The following FRMPD4 variants were observed in gnomAD, a reference collection of about 807,000 sequenced individuals.
FRMPD4 encodes FERM and PDZ domain containing 4.
FRMPD4 carries 22 observed loss-of-function variants against 94.1 expected under a neutral mutation model. The observed-to-expected ratio is 0.23, with a 90% confidence interval of 0.17 to 0.33. The LOEUF is 0.33. FRMPD4 is among the 10% of genes least tolerant of loss of function. The probability of loss-of-function intolerance (pLI) is 1.00; values close to 1 mark genes in which losing one functional copy is unlikely to be tolerated. For synonymous variants in FRMPD4, 631 were observed against 548.6 expected (o/e 1.15, Z -2.10); for missense variants, 1,111 against 1,339.9 (o/e 0.83, Z 2.67).
intron 1 of FRMPD4, among the ~76,000 whole-genome samples, chrX:11,850,814 G>A (rs975625272): frequency 9.0e-6 from 1 of 111,654 alleles, no homozygotes; most frequent in Non-Finnish European, 1.9e-5. Context: ...AACAAAGAAC[G>A]GGCTGTAACT....
chrX:11,879,510 T>C (rs1050841582), intron 3 of FRMPD4, among the ~76,000 whole-genome samples: 3 of 111,233 alleles, frequency 2.7e-5, no homozygotes, highest in Non-Finnish European at 5.7e-5. Context: ...CTCTTGACTA[T>C]TATAGCATCT....
intron 4 of FRMPD4, among the ~76,000 whole-genome samples, chrX:12,671,737 A>AAAAT (rs994368370): frequency 2.5e-4 from 28 of 110,952 alleles, no homozygotes; most frequent in South Asian, 3.9e-4. Flanking sequence ...AGTATAATAA[A>AAAAT]AAATAAATAA....
At chrX:12,282,374 A>G (rs1164794812) in intron 1 of FRMPD4, among the ~76,000 whole-genome samples, 1 of 112,555 alleles carries the variant, frequency 8.9e-6, no homozygotes, top group Admixed American at 9.4e-5. Context: ...TACAGAAGAA[A>G]AACTGGAACT....
chrX:12,008,049 C>G (rs777821206), intron 3 of FRMPD4, among the ~76,000 whole-genome samples: 4 of 111,897 alleles, frequency 3.6e-5, no homozygotes, highest in Non-Finnish European at 7.5e-5. Flanking sequence ...GGTGGTTTAT[C>G]ACTGACTAAT....
intron 1 of FRMPD4, among the ~76,000 whole-genome samples, chrX:12,246,814 C>T (rs922467589): frequency 5.4e-5 from 6 of 110,925 alleles, no homozygotes; most frequent in Admixed American, 2.9e-4. Flanking sequence ...TTTCCATTAA[C>T]GTGATGGTCA....
At chrX:12,594,422 C>CATTT (rs747602603) in intron 2 of FRMPD4, among the ~76,000 whole-genome samples, 4,761 of 101,491 alleles carry the variant, frequency 0.047, 250 homozygotes, top group African/African-American at 0.18. Context: ...TAGTTAACCC[C>CATTT]ATTTATTTAT....
rs1555971385 is a variant in FRMPD4 at position 12,479,423 on chromosome X, C to CACATATATATACATATATACAT, written c.42-19257_42-19256insACATATATATACATATATACAT. Reference sequence around the variant, plus strand: ...ATATACACATATATATACATATATACGTATATATATACACACATATATGTA... The same window carrying CACATATATATACATATATACAT: ...ATATACACATATATATACATATATACACATATATATACATATATACATGTATATATATACACACATATATGTA... On this transcript the variant is annotated intron_variant, in intron 1 of 16. Coordinates refer to ENST00000675598, the MANE Select transcript of FRMPD4 (RefSeq NM_001368397.1). 2.7e-4 allele frequency among the ~76,000 whole-genome samples: 7 copies of CACATATATATACATATATACAT among 25,888 alleles called. 1 individual carries two copies. The highest frequency in any genetic ancestry group is 1.3e-3 in the East Asian group (1 of 777). 22.5% of individuals were successfully genotyped at this position (25,888 alleles called of 115,157 possible).
At chrX:12,041,498 C>T in intron 3 of FRMPD4, among the ~76,000 whole-genome samples, 2 of 87,120 alleles carry the variant, frequency 2.3e-5, no homozygotes, top group Non-Finnish European at 4.3e-5. Flanking sequence ...TTTTGCCCTC[C>T]AGATTTCTAA....
At chrX:12,321,819 G>A (rs769584783) in intron 1 of FRMPD4, among the ~76,000 whole-genome samples, 1 of 112,037 alleles carries the variant, frequency 8.9e-6, no homozygotes, top group African/African-American at 3.2e-5. Context: ...CAGACCTTAG[G>A]AAGCAGCATA....
intron 3 of FRMPD4, among the ~76,000 whole-genome samples, chrX:12,045,017 G>A (rs1001650481): frequency 2.7e-5 from 3 of 111,943 alleles, no homozygotes; most frequent in African/African-American, 9.7e-5. Flanking sequence ...TTTTTGGATG[G>A]CCCACAATCT....
chrX:12,531,100 A>G (rs914410345), intron 2 of FRMPD4, among the ~76,000 whole-genome samples: 11 of 112,513 alleles, frequency 9.8e-5, no homozygotes, highest in Non-Finnish European at 1.9e-4. Flanking sequence ...ATGGTAATCC[A>G]GTGGCTTTGA....
At chrX:12,412,850 G>A (rs1448206408) in intron 1 of FRMPD4, among the ~76,000 whole-genome samples, 1 of 112,098 alleles carries the variant, frequency 8.9e-6, no homozygotes, top group Non-Finnish European at 1.9e-5. Flanking sequence ...AGCATCAAAT[G>A]TTATAGAACA....
chrX:12,175,479 C>T (rs764558151), intron 1 of FRMPD4, among the ~76,000 whole-genome samples: 1 of 111,568 alleles, frequency 9.0e-6, no homozygotes, highest in Non-Finnish European at 1.9e-5. Context: ...AGTTCTTGAG[C>T]TCCACCCCAG....
intron 3 of FRMPD4, among the ~76,000 whole-genome samples, chrX:12,005,750 A>G (rs5979500): frequency 0.01 from 1,087 of 105,653 alleles, no homozygotes; most frequent in African/African-American, 0.039. Context: ...CTGACTTGGG[A>G]GGGTTCCCAG....
chrX:12,712,180 T>G lies in FRMPD4; in HGVS notation c.1609+1643T>G, dbSNP rs1227732993. 5.6e-5 allele frequency among the ~76,000 whole-genome samples: 6 copies of G among 107,300 alleles called. No homozygotes were observed. In the South Asian group the frequency reaches 1.3e-3, roughly 23 times the overall value. 93.2% of individuals were successfully genotyped at this position (107,300 alleles called of 115,157 possible). A position where few individuals can be genotyped will look rare whatever the true frequency, so the allele number is the denominator to read the frequency against. ...AGAAAAATAATCTAGGTACATCATC[T>G]AAAATGATGCTCAGCATTTCTATTA... is the stretch of plus-strand genomic sequence containing the variant. On this transcript the variant is annotated intron_variant, in intron 14 of 16. Coordinates refer to ENST00000675598, the MANE Select transcript of FRMPD4 (RefSeq NM_001368397.1).
chrX:12,430,969 T>C (rs1462669200), intron 1 of FRMPD4, among the ~76,000 whole-genome samples: 1 of 112,543 alleles, frequency 8.9e-6, no homozygotes, highest in Non-Finnish European at 1.9e-5. Context: ...AGTATTTGTA[T>C]TCAAATTACA....
chrX:12,364,707 T>G (rs2056048274), intron 1 of FRMPD4, among the ~76,000 whole-genome samples: 1 of 111,342 alleles, frequency 9.0e-6, no homozygotes, highest in Non-Finnish European at 1.9e-5. Context: ...AGGTAGATGT[T>G]AAAGCACCAA....
chrX:12,445,810 G>A (rs2057188215), intron 1 of FRMPD4, among the ~76,000 whole-genome samples: 2 of 112,605 alleles, frequency 1.8e-5, no homozygotes, highest in South Asian at 7.3e-4. Flanking sequence ...TTTCATGGCT[G>A]ACATGGCATT....
chrX:12,554,279 G>T (rs939215591), intron 2 of FRMPD4, among the ~76,000 whole-genome samples: 1 of 111,573 alleles, frequency 9.0e-6, no homozygotes, highest in Non-Finnish European at 1.9e-5. Context: ...ATATGGAAGG[G>T]AGTTTTTCTG....
Sources: gnomAD v4.1 joint callset for allele counts (sites outside exome capture counted in the v4.1 genomes callset) on GRCh38, gnomAD v4.1.1 for gene constraint, MANE v1.5 for transcripts, NCBI Gene and HGNC (gene_info 2026-07-23, HGNC 2026-07-21) for gene names.